The following FILIP1 variants were observed in gnomAD, a reference collection of about 807,000 sequenced individuals.
The protein encoded by FILIP1 is filamin-A-interacting protein 1.
FILIP1 carries 61 observed loss-of-function variants against 102.1 expected under a neutral mutation model. That is an observed-to-expected ratio of 0.60 (90% CI 0.49 to 0.74). The LOEUF is 0.74. FILIP1 is among the 30% of genes least tolerant of loss of function. FILIP1 has a pLI of 0.00. For missense variants in FILIP1, 1,314 were observed against 1,441.2 expected, an observed-to-expected ratio of 0.91 and a Z score of 1.43; for synonymous variants, 491 against 526.9, an observed-to-expected ratio of 0.93 and a Z score of 0.93.
chr6:75,362,589 T>C (rs1242998441), intron 3 of FILIP1, among the ~76,000 whole-genome samples, 155 bp downstream of exon 3: 3 of 152,216 alleles, frequency 2.0e-5, no homozygotes, highest in Admixed American at 1.3e-4. Context: ...TTATCCACTA[T>C]AACCCTTGAC....
At chr6:75,302,760 CTA>C (rs1295306535) in intron 6 of FILIP1, among the ~76,000 whole-genome samples, 18 of 151,710 alleles carry the variant, frequency 1.2e-4, no homozygotes, top group African/African-American at 4.4e-4. Context: ...GCATTGTGTT[CTA>C]TGAGTAATAA....
intron 1 of FILIP1, among the ~76,000 whole-genome samples, chr6:75,424,306 C>A (rs1012493746): frequency 5.3e-5 from 8 of 152,158 alleles, no homozygotes; most frequent in Non-Finnish European, 5.9e-5. Context: ...CAAGAAGTCT[C>A]AAACAATAAT....
chr6:75,293,947 C>G (rs773253403), exon 7 of FILIP1: 1 of 152,172 alleles, frequency 6.6e-6, no homozygotes, highest in Non-Finnish European at 1.5e-5. Flanking sequence ...AAAAATCACA[C>G]ATACACACTC....
chr6:75,406,857 A>C (rs1460510490), intron 2 of FILIP1, among the ~76,000 whole-genome samples: 1 of 151,902 alleles, frequency 6.6e-6, no homozygotes, highest in East Asian at 1.9e-4. Context: ...ACAGGGTTTC[A>C]CCATGTTGGT....
chr6:75,362,994 C>T (rs772791834), intron 2 of FILIP1, 77 bp from the exon 3 acceptor site: 3 of 1,391,684 alleles, frequency 2.2e-6, no homozygotes, highest in Non-Finnish European at 3.0e-6. Flanking sequence ...CAACAGAGAG[C>T]TTATTGAATA....
At chr6:75,493,115 C>A (rs986853365) in intron 1 of FILIP1, among the ~76,000 whole-genome samples, 1 of 152,316 alleles carries the variant, frequency 6.6e-6, no homozygotes, top group East Asian at 1.9e-4. Context: ...GTGAAATTGT[C>A]CTTTGTCATA....
chr6:75,355,260 A>G (rs1029621090), intron 3 of FILIP1, among the ~76,000 whole-genome samples: 6 of 152,168 alleles, frequency 3.9e-5, no homozygotes, highest in Non-Finnish European at 7.4e-5. Context: ...ACACCACTGC[A>G]CTACAGCCTG....
chr6:75,383,010 T>A (rs1775954615), intron 2 of FILIP1, among the ~76,000 whole-genome samples: 1 of 152,242 alleles, frequency 6.6e-6, no homozygotes, highest in South Asian at 2.1e-4. Flanking sequence ...CATATAGATC[T>A]AAAACAAATT....
rs1196530108 is a variant in FILIP1 at position 75,465,450 on chromosome 6, G to A, written c.-7+27964C>T. 5.4e-6 allele frequency: 5 copies of A among 925,730 alleles called. 1 individual carries two copies. The highest frequency in any genetic ancestry group is 2.8e-5 in the South Asian group (2 of 70,212). The allele number at this position is 925,730 out of a possible 1,614,324, so 57.3% of individuals were successfully genotyped here. ...ACCCATTTCACTGACCCATATCAAT[G>A]CTAGCAAAATGGCAGAATTCATATA... is the stretch of plus-strand genomic sequence containing the variant. On this transcript the variant is annotated intron_variant, in intron 1 of 5. Coordinates refer to ENST00000237172, the MANE Select transcript of FILIP1 (RefSeq NM_015687.5).
At chr6:75,350,330 A>G (rs1386807624) in intron 4 of FILIP1, among the ~76,000 whole-genome samples, 4 of 152,126 alleles carry the variant, frequency 2.6e-5, no homozygotes, top group African/African-American at 9.7e-5. Flanking sequence ...CTAAAACGTG[A>G]AAGTTTGGTG....
intron 2 of FILIP1, among the ~76,000 whole-genome samples, chr6:75,379,329 T>C (rs1775834085): frequency 6.6e-6 from 1 of 152,214 alleles, no homozygotes; most frequent in African/African-American, 2.4e-5. Context: ...GTTGCTGATA[T>C]TCAGATGCCT....
chr6:75,442,302 C>T (rs1778290269), intron 1 of FILIP1, among the ~76,000 whole-genome samples: 1 of 150,492 alleles, frequency 6.6e-6, no homozygotes, highest in Non-Finnish European at 1.5e-5. Flanking sequence ...TCCTCACGTC[C>T]CAGACGATGG....
chr6:75,312,759 G>T lies in FILIP1; in HGVS notation c.3073C>A (p.Pro1025Thr). ...SAAPAEIAVS[P>T]ESQEMPMGRT... Reference sequence around the variant, plus strand: ...CCCATGGGCATTTCCTGGGATTCGGGAGAAACTGCAATCTCAGCTGGTGCT... The same window carrying T: ...CCCATGGGCATTTCCTGGGATTCGGTAGAAACTGCAATCTCAGCTGGTGCT... The change falls in exon 5 of 6, where the codon CCC (proline) becomes ACC (threonine). Residue 1025 changes from proline (P) to threonine (T), a missense_variant. This residue lies in a region of FILIP1 where 816 missense variants were observed against 913.1 expected (regional missense o/e 0.89). Coordinates refer to ENST00000237172, the MANE Select transcript of FILIP1 (RefSeq NM_015687.5). The T allele has an allele frequency of 6.2e-7, 1 of 1,614,204 alleles. No individual in the cohort carries two copies. Among genetic ancestry groups the T allele is most frequent in the Non-Finnish European group, 8.5e-7 (1 of 1,180,044 alleles).
Position 75,308,303 on chromosome 6 carries a change from T to A in FILIP1, c.*388A>T. 1 of 992,846 alleles carries A rather than the reference T, an allele frequency of 1.0e-6. No individual in the cohort carries two copies. The highest frequency in any genetic ancestry group is 1.2e-6 in the Non-Finnish European group (1 of 833,502). The allele number at this position is 992,846 out of a possible 1,614,324, so 61.5% of individuals were successfully genotyped here. A position where few individuals can be genotyped will look rare whatever the true frequency, so the allele number is the denominator to read the frequency against. On this transcript the variant is annotated 3_prime_UTR_variant, in exon 6 of 6. Transcript: ENST00000237172. ...TAATAGGATTTTTTTAATAAAAAAT[T>A]ATTGTGGAACAAGGTACATTAAATT...
chr6:75,460,090 A>G (rs957922544), intron 1 of FILIP1, among the ~76,000 whole-genome samples: 1 of 152,158 alleles, frequency 6.6e-6, no homozygotes, highest in African/African-American at 2.4e-5. Flanking sequence ...CTCTTCACCT[A>G]AAAGACAACA....
At chr6:75,343,167 G>A (rs1028322328) in intron 4 of FILIP1, among the ~76,000 whole-genome samples, 7 of 152,148 alleles carry the variant, frequency 4.6e-5, no homozygotes, top group South Asian at 2.1e-4. Context: ...AAAAGCCCAC[G>A]TGAGCACACA....
chr6:75,411,814 T>C (rs976960831), intron 2 of FILIP1, among the ~76,000 whole-genome samples: 2 of 152,226 alleles, frequency 1.3e-5, no homozygotes, highest in African/African-American at 2.4e-5. Flanking sequence ...TTTTGGTTCC[T>C]GTAGGCTTGT....
At chr6:75,357,862 A>G (rs1001311553) in intron 3 of FILIP1, among the ~76,000 whole-genome samples, 2 of 152,208 alleles carry the variant, frequency 1.3e-5, no homozygotes, top group Non-Finnish European at 1.5e-5. Context: ...TCTGAAGACT[A>G]TATCCCATAA....
At chr6:75,305,769 T>G (rs1363777326), downstream of FILIP1, among the ~76,000 whole-genome samples, 1 of 120,248 alleles carries the variant, frequency 8.3e-6, no homozygotes, top group Admixed American at 8.1e-5. Context: ...GATCGTGTCC[T>G]GCACATCCCT....
Sources: gnomAD v4.1 joint callset for allele counts (sites outside exome capture counted in the v4.1 genomes callset) on GRCh38, gnomAD v4.1.1 for gene constraint, gnomAD v4.1.1 regional missense constraint, MANE v1.5 for transcripts, NCBI Gene and HGNC (gene_info 2026-07-23, HGNC 2026-07-21) for gene names.